The following EYS variants were observed in gnomAD, a reference collection of about 807,000 sequenced individuals.
EYS encodes EGF-like photoreceptor maintenance factor.
A neutral mutation model predicts 282.1 loss-of-function variants in EYS; 250 were observed. The observed-to-expected ratio is 0.89, with a 90% CI of 0.80 to 0.98. The LOEUF (loss-of-function observed/expected upper bound fraction) is 0.98. EYS is among the 50% of genes least tolerant of loss of function. The pLI, the probability that EYS is intolerant of heterozygous loss-of-function variation, is 0.00. For synonymous variants in EYS, 1,355 were observed against 1,282.9 expected, an observed-to-expected ratio of 1.06 and a Z score of -1.20; for missense variants, 4,016 against 3,709.0, an observed-to-expected ratio of 1.08 and a Z score of -2.15.
At chr6:65,415,723 T>C (rs1767204337) in intron 5 of EYS, among the ~76,000 whole-genome samples, 1 of 152,040 alleles carries the variant, frequency 6.6e-6, no homozygotes, top group Non-Finnish European at 1.5e-5. Context: ...TGCTGTTTAC[T>C]AAAATATGAA....
At chr6:65,047,898 G>A (rs1182136672) in intron 13 of EYS, among the ~76,000 whole-genome samples, 1 of 151,894 alleles carries the variant, frequency 6.6e-6, no homozygotes, top group Non-Finnish European at 1.5e-5. Flanking sequence ...CACTGCCTTA[G>A]GGAAGATAAC....
chr6:63,871,934 C>T (rs1332282684), intron 35 of EYS, among the ~76,000 whole-genome samples: 2 of 152,134 alleles, frequency 1.3e-5, no homozygotes, highest in African/African-American at 4.8e-5. Context: ...ACAGCACCTC[C>T]CCTGGAGAAT....
chr6:64,931,866 A>T (rs1471506357), intron 15 of EYS, among the ~76,000 whole-genome samples: 1 of 152,100 alleles, frequency 6.6e-6, no homozygotes. Flanking sequence ...ATATGCAGAC[A>T]CTGCAGACAC....
At chr6:64,161,506 CATG>C (rs1325700800) in intron 31 of EYS, among the ~76,000 whole-genome samples, 1 of 152,200 alleles carries the variant, frequency 6.6e-6, no homozygotes, top group Non-Finnish European at 1.5e-5. Flanking sequence ...ATTTTCAACA[CATG>C]ATTATTTCTT....
intron 2 of EYS, among the ~76,000 whole-genome samples, chr6:65,546,080 C>T (rs561386778): frequency 1.2e-3 from 183 of 149,072 alleles, no homozygotes; most frequent in African/African-American, 4.4e-3. Flanking sequence ...AGTGTAGTGG[C>T]GTGATCATGA....
intron 2 of EYS, among the ~76,000 whole-genome samples, chr6:65,625,786 G>A (rs1766668778): frequency 6.6e-6 from 1 of 152,038 alleles, no homozygotes; most frequent in African/African-American, 2.4e-5. Context: ...TTTCCATTTA[G>A]CTCTAAAGCC....
intron 28 of EYS, among the ~76,000 whole-genome samples, chr6:64,411,620 A>G (rs1035428382): frequency 6.6e-6 from 1 of 152,098 alleles, no homozygotes; most frequent in Admixed American, 6.6e-5. Context: ...AGGCAGGATG[A>G]TCACTTGAGG....
At chr6:64,852,018 T>TTATATATATATA (rs1765901676) in intron 19 of EYS, among the ~76,000 whole-genome samples, 2 of 152,036 alleles carry the variant, frequency 1.3e-5, no homozygotes, top group Admixed American at 1.3e-4. Flanking sequence ...TAAAGTACAT[T>TTATATATATATA]TATATTGCTT....
At chr6:65,295,804 A>C in intron 12 of EYS, 59 bp downstream of exon 12, 1 of 1,321,054 alleles carries the variant, frequency 7.6e-7, no homozygotes, top group Non-Finnish European at 1.0e-6. Context: ...ATATCAAATA[A>C]ATATATTAAC....
intron 22 of EYS, among the ~76,000 whole-genome samples, chr6:64,719,551 C>G (rs1050787882): frequency 6.6e-6 from 1 of 152,254 alleles, no homozygotes; most frequent in African/African-American, 2.4e-5. Context: ...AGAGAGAAAC[C>G]TTGGCAAGAA....
At chr6:65,301,091 G>C (rs1768808903) in intron 11 of EYS, among the ~76,000 whole-genome samples, 1 of 152,176 alleles carries the variant, frequency 6.6e-6, no homozygotes, top group Non-Finnish European at 1.5e-5. Context: ...GGCTTATTTA[G>C]TGGCTTCCCC....
chr6:65,450,916 G>T, intron 5 of EYS, among the ~76,000 whole-genome samples: 1 of 151,790 alleles, frequency 6.6e-6, no homozygotes, highest in African/African-American at 2.4e-5. Context: ...CCCTTTTTTG[G>T]TATCACCCAT....
Position 65,215,266 on chromosome 6 carries a change from A to C in EYS, c.2023+80597T>G, listed in dbSNP as rs138889522. ...TTAAGAATGTGTGGTTCATGGGAGG[A>C]GGTCAAATTATCAATATTAACAGGA... On this transcript the variant is annotated intron_variant, in intron 12 of 42. Transcript: ENST00000503581. Among the ~76,000 whole-genome samples, 959 of 152,226 alleles carry C rather than the reference A, an allele frequency of 6.3e-3. 11 individuals carry two copies. The highest frequency in any genetic ancestry group is 0.022 in the African/African-American group (909 of 41,540).
intron 35 of EYS, among the ~76,000 whole-genome samples, chr6:63,867,859 T>C (rs979577405): frequency 6.6e-6 from 1 of 152,154 alleles, no homozygotes; most frequent in African/African-American, 2.4e-5. Context: ...AGTCTGCCTT[T>C]AAAAAATGTC....
At chr6:63,757,907 G>GTTTT (rs1769531960) in intron 41 of EYS, among the ~76,000 whole-genome samples, 1 of 152,070 alleles carries the variant, frequency 6.6e-6, no homozygotes, top group Non-Finnish European at 1.5e-5. Flanking sequence ...TTGTTTGTTT[G>GTTTT]TTTTCTATTT....
intron 36 of EYS, among the ~76,000 whole-genome samples, chr6:63,829,676 G>A (rs976517362): frequency 6.6e-6 from 1 of 152,202 alleles, no homozygotes; most frequent in Non-Finnish European, 1.5e-5. Flanking sequence ...AACTTCTGCA[G>A]ACTTAAACGT....
chr6:65,601,326 C>A (rs1244831174), intron 2 of EYS, among the ~76,000 whole-genome samples: 1 of 151,742 alleles, frequency 6.6e-6, no homozygotes, highest in East Asian at 1.9e-4. Flanking sequence ...ATAATGTCTA[C>A]AAAGAAACCA....
intron 14 of EYS, among the ~76,000 whole-genome samples, chr6:64,962,560 T>C (rs1769957023): frequency 1.3e-5 from 2 of 151,272 alleles, no homozygotes; most frequent in South Asian, 4.2e-4. Context: ...GAAGACACCC[T>C]ATCTTTACAA....
chr6:64,057,795 CTTTAATA>C (rs1310486508), intron 33 of EYS, among the ~76,000 whole-genome samples: 2 of 152,046 alleles, frequency 1.3e-5, no homozygotes, highest in African/African-American at 4.8e-5. Flanking sequence ...TATTAGCATA[CTTTAATA>C]TTTAAGTTCA....
Sources: gnomAD v4.1 joint callset for allele counts (sites outside exome capture counted in the v4.1 genomes callset) on GRCh38, gnomAD v4.1.1 for gene constraint, MANE v1.5 for transcripts, NCBI Gene and HGNC (gene_info 2026-07-23, HGNC 2026-07-21) for gene names.